CARF: variants seen among roughly 807,000 people sequenced by gnomAD.
CARF encodes the protein calcium-responsive transcription factor.
CARF carries 57 observed loss-of-function variants against 82.0 expected under a neutral mutation model. The ratio of observed to expected loss-of-function variants is 0.70; its 90% CI spans 0.56 to 0.87. The LOEUF is 0.87. Among genes scored for constraint, CARF ranks in the 40% least tolerant of loss-of-function variants. The pLI, the probability that CARF is intolerant of heterozygous loss-of-function variation, is 0.00. For synonymous variants in CARF, 268 were observed against 290.1 expected, an observed-to-expected ratio of 0.92 and a Z score of 0.77; for missense variants, 771 against 855.8, an observed-to-expected ratio of 0.90 and a Z score of 1.24.
chr2:202,961,307 A>G lies in CARF; in HGVS notation c.713A>G (p.Lys238Arg), dbSNP rs772207372. The G allele has an allele frequency of 4.3e-6, 7 of 1,614,092 alleles. No homozygotes were observed. The East Asian group carries it at 1.6e-4, about 36-fold the overall frequency. Reference protein sequence around the residue: ...TELESVLTFHKQQTQSVWGTR... With the variant: ...TELESVLTFHRQQTQSVWGTR... ...TTAGAAAGTGTCCTAACATTTCACA[A>G]GCAGCAAACACAGAGTGTTTGGGGG... is the stretch of plus-strand genomic sequence containing the variant. The change falls in exon 9 of 17, where the codon AAG becomes AGG. Residue 238 changes from lysine (K) to arginine (R), a missense_variant. Coordinates refer to ENST00000438828, the MANE Select transcript of CARF (RefSeq NM_024744.17).
intron 5 of CARF, among the ~76,000 whole-genome samples, chr2:202,950,691 C>G (rs1009204204): frequency 2.0e-5 from 3 of 152,088 alleles, no homozygotes; most frequent in African/African-American, 7.2e-5. Context: ...AGTTTTGTAA[C>G]CTCTGTGTGA....
chr2:202,967,181 C>A (rs1019647169), intron 10 of CARF, 83 bp downstream of exon 10: 2 of 1,436,356 alleles, frequency 1.4e-6, no homozygotes, highest in African/African-American at 1.4e-5. Flanking sequence ...TAGGTTTATA[C>A]AGTACCAAAA....
chr2:202,974,626 T>TG (rs2059949774), intron 13 of CARF, 130 bp downstream of exon 13: 2 of 807,538 alleles, frequency 2.5e-6, no homozygotes, highest in East Asian at 6.5e-5. Context: ...AGGCCGGGCG[T>TG]GGTGGCTCAT....
At chr2:202,937,104 C>T (rs1053808266) in intron 3 of CARF, among the ~76,000 whole-genome samples, 3 of 152,060 alleles carry the variant, frequency 2.0e-5, no homozygotes. Flanking sequence ...ATAATTTAAC[C>T]ATAGGTATGT....
intron 5 of CARF, among the ~76,000 whole-genome samples, chr2:202,945,888 C>T (rs2058473986): frequency 6.6e-6 from 1 of 152,152 alleles, no homozygotes; most frequent in Admixed American, 6.5e-5. Flanking sequence ...AATCACCATA[C>T]TGCTTTCTAC....
chr2:202,952,122 TG>T (rs2058783266), intron 5 of CARF, among the ~76,000 whole-genome samples: 1 of 152,180 alleles, frequency 6.6e-6, no homozygotes, highest in Admixed American at 6.5e-5. Flanking sequence ...TGAGCCACCA[TG>T]CCTGACCAAC....
intron 12 of CARF, chr2:202,973,542 C>T (rs538437309): frequency 3.6e-5 from 14 of 385,696 alleles, no homozygotes; most frequent in Admixed American, 6.8e-5. Flanking sequence ...ATGATGTTTA[C>T]GCACATAACC....
intron 5 of CARF, among the ~76,000 whole-genome samples, chr2:202,943,888 C>T (rs1400944191): frequency 3.9e-4 from 60 of 152,078 alleles, no homozygotes; most frequent in Admixed American, 3.9e-3. Flanking sequence ...CCTCGTTATC[C>T]ACCCACCTCA....
intron 8 of CARF, among the ~76,000 whole-genome samples, chr2:202,958,249 A>G (rs6707540): frequency 0.032 from 4,433 of 140,042 alleles, 172 homozygotes; most frequent in African/African-American, 0.092. Flanking sequence ...ATATACATAT[A>G]TGTGTGTGTG....
In CARF at chr2:202,951,221, A is replaced by G. The variant is rs140558967; in HGVS notation, c.307-1338A>G. 1.4e-4 allele frequency among the ~76,000 whole-genome samples: 21 copies of G among 152,022 alleles called. 1 individual carries two copies. Among genetic ancestry groups the G allele is most frequent in the African/African-American group, 5.1e-4 (21 of 41,490 alleles). ...GCCATCACACTCAGCTAATTTTTAA[A>G]ATTTTTTGTAGAGACAGGTAGCCCA... On this transcript the variant is annotated intron_variant, in intron 5 of 16. Transcript: ENST00000438828.
At chr2:202,958,247 A>ATATGTGTG (rs2059141275) in intron 8 of CARF, among the ~76,000 whole-genome samples, 1 of 26,476 alleles carries the variant, frequency 3.8e-5, no homozygotes, top group Non-Finnish European at 1.1e-4. Context: ...GTATATACAT[A>ATATGTGTG]TATGTGTGTG....
chr2:202,915,661 G>A (rs944480710), intron 1 of CARF, among the ~76,000 whole-genome samples: 4 of 151,984 alleles, frequency 2.6e-5, no homozygotes, highest in Non-Finnish European at 5.9e-5. Flanking sequence ...GTAGACACAG[G>A]GTTTTATCAT....
Position 202,942,889 on chromosome 2 carries a change from G to A in CARF, c.228G>A (p.Glu76=), listed in dbSNP as rs758328312. 2 of 1,613,968 alleles carry A rather than the reference G, an allele frequency of 1.2e-6. No homozygotes were observed. The highest frequency in any genetic ancestry group is 2.2e-5 in the East Asian group (1 of 44,884). The stretch of plus-strand genomic sequence containing the variant: ...CTCAGACACAGACTCTTTCTGCAGA[G>A]CAATTCCATCTAGTGGACCAAAATG... ...PLTQTQTLSA[E]QFHLVDQNGQ... Residue 76 remains glutamate, a synonymous_variant, in exon 5 of 17, where the codon GAG becomes GAA. Coordinates refer to ENST00000438828, the MANE Select transcript of CARF (RefSeq NM_024744.17).
In CARF at chr2:202,986,997, A is replaced by G. The variant is rs979766738; in HGVS notation, c.*3373A>G. 11 of 143,480 alleles carry G rather than the reference A, an allele frequency of 7.7e-5. No individual in the cohort carries two copies. Among genetic ancestry groups the G allele is most frequent in the Admixed American group, 7.1e-4 (10 of 14,052 alleles). 8.9% of individuals were successfully genotyped at this position (143,480 alleles called of 1,614,324 possible). A position where few individuals can be genotyped will look rare whatever the true frequency, so the allele number is the denominator to read the frequency against. On this transcript the variant is annotated 3_prime_UTR_variant, in exon 17 of 17. Coordinates refer to ENST00000438828, the MANE Select transcript of CARF (RefSeq NM_024744.17). ...TTATACTTGTTAGTTTTCTTTTTATATTTTTCTTAGAGATAGTGGCAATTT... is the reference window on the plus strand; with the variant it reads ...TTATACTTGTTAGTTTTCTTTTTATGTTTTTCTTAGAGATAGTGGCAATTT...
At chr2:202,921,504 A>G (rs773710355) in intron 2 of CARF, among the ~76,000 whole-genome samples, 43 of 152,200 alleles carry the variant, frequency 2.8e-4, no homozygotes, top group Non-Finnish European at 5.1e-4. Context: ...CCTCTGTGAT[A>G]TCATGAAATA....
intron 11 of CARF, among the ~76,000 whole-genome samples, chr2:202,971,218 T>C (rs911217843): frequency 2.0e-5 from 3 of 152,166 alleles, no homozygotes; most frequent in African/African-American, 4.8e-5. Flanking sequence ...CATTTTCATA[T>C]ATACTTAAAA....
Position 202,986,575 on chromosome 2 carries a change from C to T in CARF, c.*2951C>T, listed in dbSNP as rs945417735. ...ACAGTGAATTATAGATAAATACAGC[C>T]ATGGTGGACCTTTCCCTCAATAGTG... On this transcript the variant is annotated 3_prime_UTR_variant, in exon 17 of 17. Transcript: ENST00000438828. 4.0e-5 allele frequency: 6 copies of T among 151,824 alleles called. No homozygotes were observed. Among genetic ancestry groups the T allele is most frequent in the Non-Finnish European group, 7.4e-5 (5 of 67,944 alleles). The allele number at this position is 151,824 out of a possible 1,614,324, so 9.4% of individuals were successfully genotyped here. A position where few individuals can be genotyped will look rare whatever the true frequency, so the allele number is the denominator to read the frequency against.
intron 3 of CARF, among the ~76,000 whole-genome samples, chr2:202,940,016 ATTGTTTCT>A (rs1310377732): frequency 6.6e-6 from 1 of 150,594 alleles, no homozygotes; most frequent in Non-Finnish European, 1.5e-5. Flanking sequence ...GCAGTTTTTC[ATTGTTTCT>A]TTGTTTGTTT....
chr2:202,969,125 A>C (rs2059672174), intron 10 of CARF, among the ~76,000 whole-genome samples: 1 of 152,192 alleles, frequency 6.6e-6, no homozygotes, highest in Non-Finnish European at 1.5e-5. Context: ...CCCCGTCTCT[A>C]CTAAAAATAC....
Sources: allele counts gnomAD v4.1 joint callset (sites outside exome capture counted in the v4.1 genomes callset), GRCh38; gene constraint gnomAD v4.1.1; transcripts MANE v1.5; gene names NCBI Gene and HGNC (gene_info 2026-07-23, HGNC 2026-07-21).